The following TBC1D31 variants were observed in gnomAD, a reference collection of about 807,000 sequenced individuals.
TBC1D31 encodes TBC1 domain family member 31.
In TBC1D31, 99 loss-of-function variants were observed where a neutral mutation model predicts 132.9. That is an observed-to-expected ratio of 0.74 (90% CI 0.63 to 0.88). The LOEUF (loss-of-function observed/expected upper bound fraction) is 0.88, where lower values mean the gene tolerates loss of function less well. Among genes scored for constraint, TBC1D31 ranks in the 40% least tolerant of loss-of-function variants. The pLI is 0.00. For synonymous variants in TBC1D31, 385 were observed against 419.4 expected, an observed-to-expected ratio of 0.92 and a Z score of 1.00; for missense variants, 1,134 against 1,256.6, an observed-to-expected ratio of 0.90 and a Z score of 1.48.
At chr8:123,141,941 A>T (rs903712441) in intron 18 of TBC1D31, among the ~76,000 whole-genome samples, 1 of 137,888 alleles carries the variant, frequency 7.3e-6, no homozygotes, top group African/African-American at 2.8e-5. Flanking sequence ...GCTCACTGCA[A>T]CCTCCACCTC....
chr8:123,084,416 T>A, intron 4 of TBC1D31, 76 bp downstream of exon 4: 1 of 1,362,434 alleles, frequency 7.3e-7, no homozygotes, highest in Non-Finnish European at 1.0e-6. Flanking sequence ...ATAGATGATA[T>A]AAGAGTAATG....
chr8:123,128,497 G>C lies in TBC1D31; in HGVS notation c.2101G>C (p.Asp701His), dbSNP rs775656861. The C allele has an allele frequency of 6.2e-7, 1 of 1,600,840 alleles. No homozygotes were observed. The highest frequency in any genetic ancestry group is 2.2e-5 in the East Asian group (1 of 44,764). Reference protein sequence around the residue: ...ERERIRNDELDYLRERQTVED... With the variant: ...ERERIRNDELHYLRERQTVED... Reference sequence around the variant, plus strand: ...AGAAAGAATAAGGAATGATGAATTGGATTACTTAAGAGAGAGGTAATTATG... The same window carrying C: ...AGAAAGAATAAGGAATGATGAATTGCATTACTTAAGAGAGAGGTAATTATG... Residue 701 changes from aspartate (D) to histidine (H), a missense_variant, in exon 14 of 22, where the codon GAT becomes CAT. Transcript: ENST00000287380.
chr8:123,079,601 C>CAAAA (rs33920094), intron 2 of TBC1D31, among the ~76,000 whole-genome samples: 2 of 151,772 alleles, frequency 1.3e-5, no homozygotes, highest in East Asian at 1.9e-4. Flanking sequence ...GATTTCATGA[C>CAAAA]TAATGAACTT....
At chr8:123,088,757 T>C (rs1279943678) in intron 4 of TBC1D31, among the ~76,000 whole-genome samples, 1 of 152,204 alleles carries the variant, frequency 6.6e-6, no homozygotes, top group Non-Finnish European at 1.5e-5. Flanking sequence ...TGTTATGGAT[T>C]TCATTTTTGA....
chr8:123,107,341 G>A (rs1818027013), intron 8 of TBC1D31, among the ~76,000 whole-genome samples: 1 of 152,114 alleles, frequency 6.6e-6, no homozygotes, highest in Non-Finnish European at 1.5e-5. Flanking sequence ...GGAGCCCCGT[G>A]TGTGCTTATC....
chr8:123,129,305 A>C (rs1586698065), intron 15 of TBC1D31, 87 bp downstream of exon 15: 2 of 896,264 alleles, frequency 2.2e-6, no homozygotes, highest in East Asian at 2.8e-5. Flanking sequence ...TTTTAGAAAC[A>C]ACATTATATA....
intron 4 of TBC1D31, among the ~76,000 whole-genome samples, chr8:123,090,856 G>A (rs1336334519): frequency 2.0e-5 from 3 of 152,082 alleles, no homozygotes; most frequent in Non-Finnish European, 2.9e-5. Flanking sequence ...GGAGGCTGAG[G>A]CACGAGGATT....
rs1822843310 is a variant in TBC1D31, at chr8:123,152,126, C to A, written c.*187C>A. ...TGTAAATGGCTTCTTGAACTTTTTACAATAAAAATGTTTTAGAAACTGTTA... is the reference window on the plus strand; with the variant it reads ...TGTAAATGGCTTCTTGAACTTTTTAAAATAAAAATGTTTTAGAAACTGTTA... On this transcript the variant is annotated 3_prime_UTR_variant, in exon 22 of 22. Transcript: ENST00000287380. 2 of 493,556 alleles carry A rather than the reference C, an allele frequency of 4.1e-6. No individual in the cohort carries two copies. The highest frequency in any genetic ancestry group is 6.4e-6 in the Non-Finnish European group (2 of 313,206). 30.6% of individuals were successfully genotyped at this position (493,556 alleles called of 1,614,324 possible).
chr8:123,098,366 A>G (rs940348246), intron 6 of TBC1D31, among the ~76,000 whole-genome samples: 2 of 152,002 alleles, frequency 1.3e-5, no homozygotes, highest in African/African-American at 4.8e-5. Flanking sequence ...CAGTGGTGCA[A>G]TCTTGGCTCA....
chr8:123,147,867 C>T (rs144562286), intron 20 of TBC1D31, among the ~76,000 whole-genome samples: 6,195 of 152,216 alleles, frequency 0.041, 212 homozygotes, highest in Admixed American at 0.1. Flanking sequence ...GTGGCTCACT[C>T]CTGTAATCCC....
intron 6 of TBC1D31, chr8:123,097,731 C>A (rs1009599573): frequency 1.8e-5 from 4 of 219,726 alleles, no homozygotes; most frequent in African/African-American, 6.8e-5. Flanking sequence ...ATCCTTAATT[C>A]TTTGGCATAG....
At chr8:123,140,267 C>G (rs964710067) in intron 17 of TBC1D31, among the ~76,000 whole-genome samples, 1 of 152,172 alleles carries the variant, frequency 6.6e-6, no homozygotes, top group Admixed American at 6.5e-5. Flanking sequence ...GAGGCTGAGG[C>G]AGGAGAATCA....
chr8:123,142,260 A>G lies in TBC1D31; in HGVS notation c.2641-2A>G, dbSNP rs1473576341. 1 of 1,563,292 alleles carries G rather than the reference A, an allele frequency of 6.4e-7. No homozygotes were observed. ...TTTCTGAAATGTATAACTTTTTCCT[A>G]GGTGATTAAAGAAAATTTGGCAAAG... is the stretch of plus-strand genomic sequence containing the variant. On this transcript the variant is annotated splice_acceptor_variant, in intron 18 of 21. Coordinates refer to ENST00000287380, the MANE Select transcript of TBC1D31 (RefSeq NM_145647.4). LOFTEE classifies it high-confidence loss of function.
chr8:123,093,198 T>A (rs1816517917), intron 4 of TBC1D31, among the ~76,000 whole-genome samples: 2 of 151,886 alleles, frequency 1.3e-5, no homozygotes, highest in Admixed American at 6.6e-5. Context: ...ATCCGCCTGC[T>A]TCGGCCTCCC....
chr8:123,132,558 T>G (rs1049435711), intron 16 of TBC1D31, among the ~76,000 whole-genome samples: 6 of 151,534 alleles, frequency 4.0e-5, no homozygotes, highest in African/African-American at 1.5e-4. Flanking sequence ...GGATTACAGG[T>G]GCCTGCCACA....
rs562918397 is a variant in TBC1D31 at position 123,137,514 on chromosome 8, C to T, written c.2500-3247C>T. On this transcript the variant is annotated intron_variant, in intron 17 of 21. Coordinates refer to ENST00000287380, the MANE Select transcript of TBC1D31 (RefSeq NM_145647.4). The stretch of plus-strand genomic sequence containing the variant: ...AGGCAGAAGCTTCTAGTTGTCCTCT[C>T]CCAGTGGAGTTGTACAGACAGCATT... 8.5e-5 allele frequency among the ~76,000 whole-genome samples: 13 copies of T among 152,314 alleles called. No individual in the cohort carries two copies. The South Asian group carries it at 1.7e-3, about 19-fold the overall frequency.
chr8:123,156,665 T>C (rs1822997222), downstream of TBC1D31, among the ~76,000 whole-genome samples: 1 of 152,100 alleles, frequency 6.6e-6, no homozygotes, highest in Admixed American at 6.5e-5. Context: ...ATGACACAGC[T>C]TCCGGCATAT....
chr8:123,121,254 C>A (rs555339595), intron 11 of TBC1D31, among the ~76,000 whole-genome samples: 1 of 152,004 alleles, frequency 6.6e-6, no homozygotes, highest in African/African-American at 2.4e-5. Flanking sequence ...CCCTGGCACC[C>A]GACATTTTAT....
At position 123,129,141 on chromosome 8, in the gene TBC1D31, G is replaced by A; in HGVS notation, c.2193G>A (p.Glu731=). 6.2e-7 allele frequency: 1 copy of A among 1,609,074 alleles called. No individual in the cohort carries two copies. The highest frequency in any genetic ancestry group is 8.5e-7 in the Non-Finnish European group (1 of 1,176,602). The change falls in exon 15 of 22, where the codon GAG becomes GAA. Residue 731 remains glutamate, a synonymous_variant. Coordinates refer to ENST00000287380, the MANE Select transcript of TBC1D31 (RefSeq NM_145647.4). ...VEDEAWYQKQ[E]LLRKAEETRR... ...ATGAAGCTTGGTACCAGAAACAGGA[G>A]CTGCTTCGTAAAGCTGAAGAAACAA...
Sources: gnomAD v4.1 joint callset for allele counts (sites outside exome capture counted in the v4.1 genomes callset) on GRCh38, gnomAD v4.1.1 for gene constraint, MANE v1.5 for transcripts, NCBI Gene and HGNC (gene_info 2026-07-23, HGNC 2026-07-21) for gene names.